DMTN: variants seen among roughly 807,000 people sequenced by gnomAD.
DMTN encodes dematin.
In DMTN, 27 loss-of-function variants were observed where a neutral mutation model predicts 59.4. The observed-to-expected ratio is 0.45, with a 90% CI of 0.33 to 0.63. The LOEUF is 0.63. Ranked by LOEUF, DMTN falls within the 20% of genes least tolerant of loss-of-function variation. The pLI, the probability that DMTN is intolerant of heterozygous loss-of-function variation, is 0.02. For synonymous variants in DMTN, 221 were observed against 203.7 expected (o/e 1.08, Z -0.72); for missense variants, 451 against 528.9 (o/e 0.85, Z 1.45).
At chr8:22,059,508 G>T (rs1804763826) in intron 1 of DMTN, 1 of 152,226 alleles carries the variant, frequency 6.6e-6, no homozygotes, top group South Asian at 2.1e-4. Context: ...TTAGCACGTG[G>T]GACCCCCAAG....
intron 4 of DMTN, 37 bp from the exon 5 acceptor site, chr8:22,068,979 C>A: frequency 6.2e-7 from 1 of 1,608,716 alleles, no homozygotes; most frequent in Non-Finnish European, 8.5e-7. Context: ...GCTGAATCTG[C>A]CCCTGTAGCT....
chr8:22,069,825 CCCCAGCCT>C (rs1168622965), intron 6 of DMTN, 48 bp from the exon 7 acceptor site: 2 of 1,587,340 alleles, frequency 1.3e-6, no homozygotes, highest in African/African-American at 2.7e-5. Context: ...ATTCTCCTGG[CCCCAGCCT>C]CCCTGCCATC....
intron 5 of DMTN, 157 bp from the exon 6 acceptor site, chr8:22,069,262 C>A: frequency 2.4e-6 from 2 of 842,558 alleles, no homozygotes; most frequent in South Asian, 1.8e-5. Context: ...CAGGCACCAT[C>A]AGTAGGTCCT....
At chr8:22,075,039 T>C (rs1193938128) in intron 10 of DMTN, among the ~76,000 whole-genome samples, 1 of 151,482 alleles carries the variant, frequency 6.6e-6, no homozygotes. Context: ...ATACAAAAAT[T>C]AGCCAGGCAT....
intron 10 of DMTN, among the ~76,000 whole-genome samples, chr8:22,079,303 A>ATATATAG (rs67715172): frequency 0.012 from 634 of 52,158 alleles, 108 homozygotes; most frequent in South Asian, 0.034. Flanking sequence ...TATATATATT[A>ATATATAG]GCTGGGTTTG....
At position 22,067,574 on chromosome 8, in the gene DMTN, C is replaced by T; in HGVS notation, c.141C>T (p.Ile47=). ...QVLGYKDLAA[I]PKDKAILDIE... ...TGGGCTACAAGGACCTGGCTGCCAT[C>T]CCCAAGGACAAGGCCATCCTGGACA... Residue 47 remains isoleucine (I), a synonymous_variant, in exon 4 of 16, where the codon ATC becomes ATT. Transcript: ENST00000358242. The T allele has an allele frequency of 6.2e-7, 1 of 1,614,204 alleles. No individual in the cohort carries two copies. Among genetic ancestry groups the T allele is most frequent in the African/African-American group, 1.3e-5 (1 of 75,056 alleles).
upstream of DMTN, chr8:22,054,927 AGAG>A (rs1367479782): frequency 2.0e-5 from 3 of 152,572 alleles, no homozygotes; most frequent in Non-Finnish European, 4.4e-5. Context: ...CAGGAGGTGG[AGAG>A]GAGATGCGCC....
chr8:22,073,865 C>T, intron 10 of DMTN, 30 bp downstream of exon 10: 1 of 1,586,828 alleles, frequency 6.3e-7, no homozygotes, highest in Non-Finnish European at 8.7e-7. Context: ...CTCAGAGTCA[C>T]CTGGCCAGAG....
rs190024977 is a variant in DMTN at position 22,061,617 on chromosome 8, G to A, written c.-172+4481G>A. 6.6e-5 allele frequency among the ~76,000 whole-genome samples: 10 copies of A among 152,158 alleles called. No homozygotes were observed. The East Asian group carries it at 1.2e-3, about 18-fold the overall frequency. ...TTCAGGAAGATTCCAGGGCCTCCCC[G>A]AGGCTCCAGAACACACTGAAGTTAT... On this transcript the variant is annotated intron_variant, in intron 1 of 15. Transcript: ENST00000358242.
intron 1 of DMTN, among the ~76,000 whole-genome samples, chr8:22,063,938 C>A (rs1269139187): frequency 6.6e-6 from 1 of 152,166 alleles, no homozygotes; most frequent in Admixed American, 6.5e-5. Context: ...TAAGACTTAC[C>A]ACAGAGTCCT....
chr8:22,076,618 CTA>C (rs749317570), intron 10 of DMTN, among the ~76,000 whole-genome samples: 22 of 147,790 alleles, frequency 1.5e-4, no homozygotes, highest in African/African-American at 2.2e-4. Flanking sequence ...ATATATGTCA[CTA>C]TATATATATA....
chr8:22,077,200 G>A (rs79562077), intron 10 of DMTN, among the ~76,000 whole-genome samples: 1,881 of 152,190 alleles, frequency 0.012, 42 homozygotes, highest in African/African-American at 0.044. Flanking sequence ...AGTGACAGAA[G>A]GTGGGAGGTG....
At chr8:22,066,972 C>A in intron 2 of DMTN, 79 bp downstream of exon 2, 1 of 1,242,610 alleles carries the variant, frequency 8.0e-7, no homozygotes, top group Non-Finnish European at 1.0e-6. Flanking sequence ...ACCTGGTGGC[C>A]ACCCGCCGCG....
At chr8:22,050,763 C>T (rs77912101), upstream of DMTN, among the ~76,000 whole-genome samples, 11 of 152,246 alleles carry the variant, frequency 7.2e-5, no homozygotes, top group East Asian at 2.1e-3. Flanking sequence ...GTCTCTGGGT[C>T]TCTGGGTCCC....
chr8:22,072,871 G>A (rs1022374214), intron 9 of DMTN, among the ~76,000 whole-genome samples: 1 of 152,112 alleles, frequency 6.6e-6, no homozygotes, highest in Admixed American at 6.6e-5. Flanking sequence ...ATGTTGGGGA[G>A]CCGCTTCTTG....
intron 1 of DMTN, among the ~76,000 whole-genome samples, chr8:22,062,361 G>C (rs1807198936): frequency 6.6e-6 from 1 of 152,152 alleles, no homozygotes; most frequent in African/African-American, 2.4e-5. Flanking sequence ...GCGTCCCAAA[G>C]TGTTGGGGTT....
At chr8:22,068,812 C>T (rs1812848731) in intron 4 of DMTN, among the ~76,000 whole-genome samples, 1 of 152,030 alleles carries the variant, frequency 6.6e-6, no homozygotes, top group African/African-American at 2.4e-5. Flanking sequence ...GAGCAAGGCT[C>T]GCGTGCTTCT....
rs3063991 is a variant in DMTN, at chr8:22,060,413, G to GCTCTCTCTCT, written c.-172+3287_-172+3296dup. On this transcript the variant is annotated intron_variant, in intron 1 of 15. Transcript: ENST00000358242. This position sits in a 1 kb window ranked among gnomAD's most constrained non-coding sequence, Gnocchi z 5.0. Reference sequence around the variant, plus strand: ...CTCTCTCTTTCTCTCTTTCTGTCTCGCTCTCTCTCTCTCTCTCTCCCCCTC... The same window carrying GCTCTCTCTCT: ...CTCTCTCTTTCTCTCTTTCTGTCTCGCTCTCTCTCTCTCTCTCTCTCTCTCTCTCCCCCTC... Among the ~76,000 whole-genome samples the GCTCTCTCTCT allele has an allele frequency of 2.2e-4, 32 of 147,592 alleles. No homozygotes were observed. Among genetic ancestry groups the GCTCTCTCTCT allele is most frequent in the African/African-American group, 7.8e-4 (31 of 39,632 alleles).
intron 10 of DMTN, among the ~76,000 whole-genome samples, chr8:22,074,879 C>A (rs1358050979): frequency 6.6e-6 from 1 of 152,116 alleles, no homozygotes; most frequent in East Asian, 1.9e-4. Flanking sequence ...GCAATGAAAG[C>A]TGCAAAGCCT....
Sources: gnomAD v4.1 joint callset for allele counts (sites outside exome capture counted in the v4.1 genomes callset) on GRCh38, gnomAD v4.1.1 for gene constraint, Gnocchi (gnomAD v3.1) non-coding constraint, MANE v1.5 for transcripts, NCBI Gene and HGNC (gene_info 2026-07-23, HGNC 2026-07-21) for gene names.